Variants in AMOTL1 observed in about 807,000 individuals in gnomAD.
AMOTL1 encodes angiomotin-like protein 1.
In AMOTL1, 45 loss-of-function variants were observed where a neutral mutation model predicts 102.9. The observed-to-expected ratio is 0.44, with a 90% confidence interval of 0.34 to 0.56. The LOEUF is 0.56. AMOTL1 is among the 20% of genes least tolerant of loss of function. The pLI is 0.01. For missense variants in AMOTL1, 1,114 were observed against 1,225.6 expected, an observed-to-expected ratio of 0.91 and a Z score of 1.36; for synonymous variants, 481 against 484.7, an observed-to-expected ratio of 0.99 and a Z score of 0.10.
rs569072782 is a variant in AMOTL1, at chr11:94,814,210, C to G, written c.1122-7320C>G. Among the ~76,000 whole-genome samples the G allele has an allele frequency of 5.3e-5, 8 of 152,260 alleles. No individual in the cohort carries two copies. In the South Asian group the frequency reaches 1.5e-3, roughly 28 times the overall value. ...GGCTGAAATCAGGTGATAGTGCTTT[C>G]TTGATGCCAGCATACGTCATCAGTG... On this transcript the variant is annotated intron_variant, in intron 3 of 12. Coordinates refer to ENST00000433060, the MANE Select transcript of AMOTL1 (RefSeq NM_130847.3).
At chr11:94,726,819 G>C (rs1950268050) in intron 1 of AMOTL1, among the ~76,000 whole-genome samples, 1 of 152,098 alleles carries the variant, frequency 6.6e-6, no homozygotes, top group African/African-American at 2.4e-5. Flanking sequence ...GGGAGGTGTT[G>C]GAATTTCAGT....
chr11:94,766,101 C>T (rs569767980), upstream of AMOTL1, among the ~76,000 whole-genome samples: 17 of 151,254 alleles, frequency 1.1e-4, no homozygotes, highest in East Asian at 1.8e-3. Flanking sequence ...GGATAAACAA[C>T]GAGTCAATGA....
intron 3 of AMOTL1, among the ~76,000 whole-genome samples, chr11:94,807,084 T>A (rs1263312950): frequency 6.6e-6 from 1 of 152,174 alleles, no homozygotes; most frequent in Non-Finnish European, 1.5e-5. Context: ...TAACTGATTT[T>A]CTTCGTTCGA....
chr11:94,847,299 G>A (rs1407373111), intron 6 of AMOTL1, among the ~76,000 whole-genome samples: 1 of 152,162 alleles, frequency 6.6e-6, no homozygotes, highest in Non-Finnish European at 1.5e-5. Context: ...TTTGAAGGTC[G>A]AGTGGACAGC....
chr11:94,714,173 T>C (rs10741494), intron 1 of AMOTL1, among the ~76,000 whole-genome samples: 70,837 of 151,806 alleles, frequency 0.47, 18,521 homozygotes, highest in Non-Finnish European at 0.58. Context: ...TCTGTCGATA[T>C]GGTGAATTAC....
intron 2 of AMOTL1, among the ~76,000 whole-genome samples, chr11:94,737,067 GT>G (rs1950448626): frequency 6.6e-6 from 1 of 152,180 alleles, no homozygotes; most frequent in African/African-American, 2.4e-5. Context: ...TTAACCCTCA[GT>G]TGATTAGGAA....
chr11:94,837,909 G>A (rs1952217442), intron 6 of AMOTL1, among the ~76,000 whole-genome samples: 2 of 152,218 alleles, frequency 1.3e-5, no homozygotes, highest in Non-Finnish European at 1.5e-5. Context: ...TAGATGGATG[G>A]AGTAAGCACA....
At chr11:94,849,746 T>A (rs1359263083) in intron 6 of AMOTL1, among the ~76,000 whole-genome samples, 1 of 152,150 alleles carries the variant, frequency 6.6e-6, no homozygotes, top group East Asian at 1.9e-4. Context: ...TTACCCACCC[T>A]TTCATCACAG....
At chr11:94,818,254 T>C (rs1951798402) in intron 3 of AMOTL1, among the ~76,000 whole-genome samples, 1 of 152,166 alleles carries the variant, frequency 6.6e-6, no homozygotes, top group African/African-American at 2.4e-5. Flanking sequence ...GCTGGCCTTA[T>C]ACCATGTCTA....
chr11:94,788,297 T>A (rs1196904219), intron 1 of AMOTL1, among the ~76,000 whole-genome samples: 1 of 152,244 alleles, frequency 6.6e-6, no homozygotes, highest in Non-Finnish European at 1.5e-5. Flanking sequence ...AGCTCTAACA[T>A]GTTAGGAAAA....
chr11:94,827,035 C>A (rs1392179725), intron 4 of AMOTL1, among the ~76,000 whole-genome samples: 11 of 152,116 alleles, frequency 7.2e-5, no homozygotes, highest in Non-Finnish European at 1.3e-4. Flanking sequence ...GGAAAGAATG[C>A]ATGATTCAGT....
intron 8 of AMOTL1, among the ~76,000 whole-genome samples, chr11:94,858,503 T>C (rs1330282348): frequency 6.6e-6 from 1 of 152,230 alleles, no homozygotes; most frequent in African/African-American, 2.4e-5. Flanking sequence ...AGTCCTTTTC[T>C]TAATCTAGGG....
At chr11:94,754,584 A>C (rs1404313102) in intron 3 of AMOTL1, among the ~76,000 whole-genome samples, 1 of 152,174 alleles carries the variant, frequency 6.6e-6, no homozygotes, top group Non-Finnish European at 1.5e-5. Context: ...AAGCTGTTAC[A>C]CCATGCTCAC....
chr11:94,736,852 C>T (rs959702358), intron 2 of AMOTL1, among the ~76,000 whole-genome samples: 4 of 152,198 alleles, frequency 2.6e-5, no homozygotes, highest in African/African-American at 4.8e-5. Context: ...GTCATGGAAT[C>T]CCTTATTAGA....
At chr11:94,710,878 A>G (rs79518727) in intron 1 of AMOTL1, among the ~76,000 whole-genome samples, 2,618 of 152,218 alleles carry the variant, frequency 0.017, 75 homozygotes, top group African/African-American at 0.06. Context: ...TCCTGTTCTT[A>G]CCTTCCACTC....
chr11:94,748,172 T>C (rs1004339254), intron 3 of AMOTL1, among the ~76,000 whole-genome samples: 1 of 152,248 alleles, frequency 6.6e-6, no homozygotes, highest in Admixed American at 6.5e-5. Flanking sequence ...TTAAACAATA[T>C]GTAAGTTTAT....
chr11:94,865,108 C>A (rs1008234639), intron 10 of AMOTL1, among the ~76,000 whole-genome samples: 1 of 152,128 alleles, frequency 6.6e-6, no homozygotes, highest in Non-Finnish European at 1.5e-5. Flanking sequence ...TTTTAAGATG[C>A]AGGCTGAGTC....
intron 2 of AMOTL1, among the ~76,000 whole-genome samples, chr11:94,735,594 T>C (rs1483753767): frequency 1.3e-5 from 2 of 152,208 alleles, no homozygotes; most frequent in East Asian, 1.9e-4. Context: ...CCCCAGCTTA[T>C]GTTTGGGAGT....
In AMOTL1 at chr11:94,872,970, G is replaced by A. The variant is rs1953029141; in HGVS notation, c.*2175G>A. 1 of 152,128 alleles carries A rather than the reference G, an allele frequency of 6.6e-6. No individual in the cohort carries two copies. The highest frequency in any genetic ancestry group is 6.6e-5 in the Admixed American group (1 of 15,262). The allele number at this position is 152,128 out of a possible 1,614,324, so 9.4% of individuals were successfully genotyped here. A position where few individuals can be genotyped will look rare whatever the true frequency, so the allele number is the denominator to read the frequency against. On this transcript the variant is annotated 3_prime_UTR_variant, in exon 13 of 13. Transcript: ENST00000433060. ...ACATTTTGACCCCAGTTTATGTTGG[G>A]GATGGACCAGAAAGGAAAATGTCTA...
Sources: gnomAD v4.1 joint callset for allele counts (sites outside exome capture counted in the v4.1 genomes callset) on GRCh38, gnomAD v4.1.1 for gene constraint, MANE v1.5 for transcripts, NCBI Gene and HGNC (gene_info 2026-07-23, HGNC 2026-07-21) for gene names.